Variants in MYO5B observed in about 807,000 individuals in gnomAD.
MYO5B encodes myosin VB.
In MYO5B, 143 loss-of-function variants were observed where a neutral mutation model predicts 229.3. That is an observed-to-expected ratio of 0.62 (90% CI 0.54 to 0.72). The LOEUF is 0.72. MYO5B is among the 30% of genes least tolerant of loss of function. The pLI is 0.00. For synonymous variants in MYO5B, 918 were observed against 885.2 expected, an observed-to-expected ratio of 1.04 and a Z score of -0.66; for missense variants, 2,321 against 2,331.0, an observed-to-expected ratio of 1.00 and a Z score of 0.09.
chr18:50,127,646 A>C (rs1412935590), intron 1 of MYO5B, among the ~76,000 whole-genome samples: 1 of 152,190 alleles, frequency 6.6e-6, no homozygotes, highest in Non-Finnish European at 1.5e-5. Context: ...CTCACGGAAG[A>C]GGTGGGATTT....
At chr18:49,963,712 GCCA>G (rs1168671359) in intron 10 of MYO5B, among the ~76,000 whole-genome samples, 15 of 152,144 alleles carry the variant, frequency 9.9e-5, no homozygotes, top group African/African-American at 3.6e-4. Context: ...ACAGGCATGA[GCCA>G]CCACACCTGG....
rs138634647 is a variant in MYO5B at position 49,911,949 on chromosome 18, T to C, written c.2202+113A>G. ...GGAAAATGGATTAATATCCCAGAAA[T>C]AGATTCAGTAAGAAGGATGAAGACC... On this transcript the variant is annotated intron_variant, in intron 18 of 39. Transcript: ENST00000285039. 38 of 834,076 alleles carry C rather than the reference T, an allele frequency of 4.6e-5. No homozygotes were observed. The African/African-American group carries it at 4.7e-4, about 10-fold the overall frequency. 51.7% of individuals were successfully genotyped at this position (834,076 alleles called of 1,614,324 possible). A position where few individuals can be genotyped will look rare whatever the true frequency, so the allele number is the denominator to read the frequency against.
At chr18:49,854,994 A>G (rs973086891) in intron 30 of MYO5B, among the ~76,000 whole-genome samples, 2 of 152,198 alleles carry the variant, frequency 1.3e-5, no homozygotes, top group Non-Finnish European at 2.9e-5. Flanking sequence ...ACTACAGGCG[A>G]TATTACCTAT....
chr18:50,190,532 A>G (rs1366421363), intron 1 of MYO5B, among the ~76,000 whole-genome samples: 3 of 152,190 alleles, frequency 2.0e-5, no homozygotes, highest in Admixed American at 1.3e-4. Context: ...AAACCTCACT[A>G]CAAAGAAAAC....
intron 2 of MYO5B, among the ~76,000 whole-genome samples, chr18:50,052,053 C>T (rs1470195332): frequency 6.6e-6 from 1 of 152,184 alleles, no homozygotes; most frequent in Non-Finnish European, 1.5e-5. Flanking sequence ...AGTCAGGAAA[C>T]AACAGGTGCT....
chr18:49,912,635 T>C (rs184072662), intron 17 of MYO5B, among the ~76,000 whole-genome samples: 126 of 152,318 alleles, frequency 8.3e-4, no homozygotes, highest in African/African-American at 2.8e-3. Context: ...CCTTTTCACT[T>C]GGTTCTCATT....
chr18:50,074,734 T>C (rs2031038694), intron 1 of MYO5B, among the ~76,000 whole-genome samples: 1 of 152,220 alleles, frequency 6.6e-6, no homozygotes, highest in Non-Finnish European at 1.5e-5. Flanking sequence ...CAGATTTTCT[T>C]ATCTGAAACG....
chr18:49,877,742 C>G (rs2024542900), intron 25 of MYO5B, 21 bp downstream of exon 25: 3 of 1,613,504 alleles, frequency 1.9e-6, no homozygotes, highest in Non-Finnish European at 2.5e-6. Flanking sequence ...AGGACAGTAC[C>G]CAAGAGCCTG....
chr18:50,114,085 T>A (rs1246542284), intron 1 of MYO5B, among the ~76,000 whole-genome samples: 2 of 152,174 alleles, frequency 1.3e-5, no homozygotes, highest in Non-Finnish European at 2.9e-5. Flanking sequence ...CATGTTAGAT[T>A]ATTTCCTTTG....
chr18:49,938,301 T>C (rs1474026209), intron 14 of MYO5B, among the ~76,000 whole-genome samples: 1 of 152,144 alleles, frequency 6.6e-6, no homozygotes, highest in African/African-American at 2.4e-5. Flanking sequence ...GATGCAGGCC[T>C]TGGATGAGGC....
chr18:50,069,599 G>A (rs1245021064), intron 1 of MYO5B, among the ~76,000 whole-genome samples: 1 of 152,162 alleles, frequency 6.6e-6, no homozygotes, highest in Admixed American at 6.6e-5. Context: ...CACTAGAAGA[G>A]CACTGTTTAG....
At chr18:49,995,341 G>C (rs887842660) in intron 5 of MYO5B, among the ~76,000 whole-genome samples, 2 of 139,412 alleles carry the variant, frequency 1.4e-5, no homozygotes, top group African/African-American at 5.4e-5. Flanking sequence ...TGCAAGCTCT[G>C]TCTCCCAGGT....
intron 1 of MYO5B, among the ~76,000 whole-genome samples, chr18:50,165,595 A>G (rs2032836868): frequency 6.6e-6 from 1 of 152,128 alleles, no homozygotes; most frequent in South Asian, 2.1e-4. Flanking sequence ...GGCCAATATG[A>G]TGAAACCCCA....
intron 2 of MYO5B, among the ~76,000 whole-genome samples, chr18:50,048,641 C>T (rs977494872): frequency 1.6e-4 from 24 of 152,142 alleles, no homozygotes; most frequent in African/African-American, 5.8e-4. Flanking sequence ...CGAACCATGG[C>T]GAAGCATGAA....
At chr18:50,037,043 G>A (rs748623786) in intron 3 of MYO5B, 49 bp from the exon 4 acceptor site, 1 of 1,609,682 alleles carries the variant, frequency 6.2e-7, no homozygotes, top group African/African-American at 1.3e-5. Context: ...AAGACACCTG[G>A]CATTATTAGC....
chr18:49,892,127 C>T (rs1259087130), intron 22 of MYO5B, among the ~76,000 whole-genome samples: 1 of 152,236 alleles, frequency 6.6e-6, no homozygotes, highest in African/African-American at 2.4e-5. Context: ...CCATGCAAAA[C>T]AGCACAGCTG....
intron 3 of MYO5B, among the ~76,000 whole-genome samples, chr18:50,037,511 ATTAC>A (rs2029883471): frequency 6.6e-6 from 1 of 152,214 alleles, no homozygotes. Context: ...ATTTTTGGCA[ATTAC>A]TTCTCAGTAC....
chr18:49,963,648 G>A (rs1268414627), intron 10 of MYO5B, among the ~76,000 whole-genome samples: 2 of 151,872 alleles, frequency 1.3e-5, no homozygotes, highest in Non-Finnish European at 2.9e-5. Flanking sequence ...AGCTGGTCTC[G>A]AACTCCTGGG....
At chr18:49,908,692 C>A (rs2024926553) in intron 18 of MYO5B, among the ~76,000 whole-genome samples, 1 of 152,164 alleles carries the variant, frequency 6.6e-6, no homozygotes, top group Non-Finnish European at 1.5e-5. Context: ...GACAGCCAGT[C>A]TCCGTGATGT....
Sources: gnomAD v4.1 joint callset for allele counts (sites outside exome capture counted in the v4.1 genomes callset) on GRCh38, gnomAD v4.1.1 for gene constraint, MANE v1.5 for transcripts, NCBI Gene and HGNC (gene_info 2026-07-23, HGNC 2026-07-21) for gene names.